Variants in TFAP2B observed in about 807,000 individuals in gnomAD.
TFAP2B encodes the protein transcription factor AP-2-beta.
A neutral mutation model predicts 44.3 loss-of-function variants in TFAP2B; 9 were observed. That is an observed-to-expected ratio of 0.20 (90% CI 0.12 to 0.35). The LOEUF (loss-of-function observed/expected upper bound fraction) is 0.35, where lower values mean the gene tolerates loss of function less well. Among genes scored for constraint, TFAP2B ranks in the 10% least tolerant of loss-of-function variants. The pLI is 1.00. For synonymous variants in TFAP2B, 270 were observed against 263.8 expected, an observed-to-expected ratio of 1.02 and a Z score of -0.23; for missense variants, 509 against 600.0, an observed-to-expected ratio of 0.85 and a Z score of 1.59.
At chr6:50,829,772 T>C (rs954975702) in intron 3 of TFAP2B, among the ~76,000 whole-genome samples, 9 of 152,326 alleles carry the variant, frequency 5.9e-5, no homozygotes, top group African/African-American at 1.7e-4. Flanking sequence ...GGAATAAGGA[T>C]TCCAAACAGG....
At chr6:50,839,635 T>C (rs889338793) in intron 5 of TFAP2B, among the ~76,000 whole-genome samples, 4 of 152,238 alleles carry the variant, frequency 2.6e-5, no homozygotes, top group African/African-American at 9.6e-5. Context: ...GGAGAATTAT[T>C]ATTTCATTGC....
chr6:50,823,561 A>G lies in TFAP2B; in HGVS notation c.236A>G (p.Tyr79Cys), dbSNP rs1770417157. Residue 79 changes from tyrosine (Y) to cysteine (C), a missense_variant, in exon 2 of 7, where the codon TAC (tyrosine) becomes TGC (cysteine). Around this residue, in one of 3 missense-constraint regions of TFAP2B, gnomAD observed 296 missense variants for 308.2 expected, o/e 0.96. Coordinates refer to ENST00000393655, the MANE Select transcript of TFAP2B (RefSeq NM_003221.4). Reference protein sequence around the residue: ...YFPPPYQPLPYHQSQDPYSHV... With the variant: ...YFPPPYQPLPCHQSQDPYSHV... ...CCACCCCCCTACCAGCCGCTCCCCT[A>G]CCACCAGAGCCAGGACCCCTACTCC... 1.2e-6 allele frequency: 2 copies of G among 1,611,764 alleles called. No individual in the cohort carries two copies. Among genetic ancestry groups the G allele is most frequent in the Non-Finnish European group, 1.7e-6 (2 of 1,179,502 alleles).
At chr6:50,821,385 T>A (rs1770340899) in intron 1 of TFAP2B, among the ~76,000 whole-genome samples, 1 of 152,208 alleles carries the variant, frequency 6.6e-6, no homozygotes, top group African/African-American at 2.4e-5. Context: ...CGCCTCCAAA[T>A]GATGAAGCAA....
Position 50,846,226 on chromosome 6 carries a change from A to C in TFAP2B, c.*2834A>C, listed in dbSNP as rs1348075020. 1 of 151,560 alleles carries C rather than the reference A, an allele frequency of 6.6e-6. No homozygotes were observed. The highest frequency in any genetic ancestry group is 1.5e-5 in the Non-Finnish European group (1 of 67,786). The allele number at this position is 151,560 out of a possible 1,614,324, so 9.4% of individuals were successfully genotyped here. ...CAACCCCGTTTCGTGGAGTGAGCCC[A>C]CTACCCCTTCTCCCTCCCTCACTTC... On this transcript the variant is annotated 3_prime_UTR_variant, in exon 7 of 7. Coordinates refer to ENST00000393655, the MANE Select transcript of TFAP2B (RefSeq NM_003221.4).
At chr6:50,829,856 A>C (rs572642409) in intron 3 of TFAP2B, among the ~76,000 whole-genome samples, 1 of 152,320 alleles carries the variant, frequency 6.6e-6, no homozygotes, top group South Asian at 2.1e-4. Context: ...GGGAAGCTGT[A>C]CTTGCAATGA....
chr6:50,837,893 A>C, intron 4 of TFAP2B, 82 bp from the exon 5 acceptor site: 1 of 1,121,024 alleles, frequency 8.9e-7, no homozygotes, highest in East Asian at 2.3e-5. Context: ...TTCAAGCTCC[A>C]CTGGGCTTTA....
Position 50,843,131 on chromosome 6 carries a change from C to T in TFAP2B, c.1122C>T (p.Asp374=). 6.2e-7 allele frequency: 1 copy of T among 1,614,230 alleles called. No homozygotes were observed. The highest frequency in any genetic ancestry group is 8.5e-7 in the Non-Finnish European group (1 of 1,180,044). The part of the protein sequence containing the change: ...CKEFTDLLAQ[D]RTPIGNSRPS... ...AATTTACGGATCTACTGGCGCAGGACCGGACACCGATAGGGAACAGCCGAC... is the reference window on the plus strand; with the variant it reads ...AATTTACGGATCTACTGGCGCAGGATCGGACACCGATAGGGAACAGCCGAC... Residue 374 remains aspartate (D), a synonymous_variant, in exon 7 of 7, where the codon GAC becomes GAT. Coordinates refer to ENST00000393655, the MANE Select transcript of TFAP2B (RefSeq NM_003221.4).
At chr6:50,833,534 AC>A (rs1762557679) in intron 3 of TFAP2B, among the ~76,000 whole-genome samples, 1 of 152,076 alleles carries the variant, frequency 6.6e-6, no homozygotes, top group African/African-American at 2.4e-5. Context: ...AAAAACAAAA[AC>A]AAAAACAAAA....
At chr6:50,827,354 G>A (rs189380405) in intron 2 of TFAP2B, among the ~76,000 whole-genome samples, 5 of 152,306 alleles carry the variant, frequency 3.3e-5, no homozygotes, top group Non-Finnish European at 5.9e-5. Flanking sequence ...GCATGTTGCA[G>A]CAAGGATAAC....
In TFAP2B at chr6:50,840,357, T is replaced by C; in HGVS notation, c.1082+60T>C. On this transcript the variant is annotated intron_variant, in intron 6 of 6. Coordinates refer to ENST00000393655, the MANE Select transcript of TFAP2B (RefSeq NM_003221.4). ...CCCAGCTGGCTAGGCCACCCGACTT[T>C]GGAGTAGGTGGTGGGGAGGGGCAGA... 6 of 1,599,396 alleles carry C rather than the reference T, an allele frequency of 3.8e-6. No homozygotes were observed. In the South Asian group the frequency reaches 6.6e-5, roughly 18 times the overall value.
rs753056961 is a variant in TFAP2B, at chr6:50,843,155, A to T, written c.1146A>T (p.Arg382=). Residue 382 remains arginine, a synonymous_variant, in exon 7 of 7, where the codon CGA becomes CGT. Transcript: ENST00000393655. ...ACCGGACACCGATAGGGAACAGCCG[A>T]CCCAGCCCCATCCTGGAGCCGGGGA... ...AQDRTPIGNS[R]PSPILEPGIQ... is the part of the protein sequence containing the mutation. The T allele has an allele frequency of 6.2e-7, 1 of 1,614,168 alleles. No homozygotes were observed.
intron 3 of TFAP2B, among the ~76,000 whole-genome samples, chr6:50,831,162 A>T (rs1770658381): frequency 6.6e-6 from 1 of 152,196 alleles, no homozygotes; most frequent in Non-Finnish European, 1.5e-5. Context: ...CCCATAGATT[A>T]TGGGCTCCCT....
chr6:50,818,485 G>C (rs1770234619), upstream of TFAP2B, among the ~76,000 whole-genome samples: 1 of 152,134 alleles, frequency 6.6e-6, no homozygotes, highest in South Asian at 2.1e-4. Flanking sequence ...GAATTGCAAA[G>C]ACTTCAGTTA....
intron 1 of TFAP2B, chr6:50,821,991 AT>A (rs60274376): frequency 0.25 from 54,633 of 216,282 alleles, 2,670 homozygotes; most frequent in African/African-American, 0.32. Flanking sequence ...GGCGGGTGTA[AT>A]TTTTTTTTTT....
chr6:50,835,927 C>A (rs895247884), intron 3 of TFAP2B, 134 bp from the exon 4 acceptor site: 1 of 803,832 alleles, frequency 1.2e-6, no homozygotes, highest in Non-Finnish European at 2.2e-6. Flanking sequence ...TGCAGCCCCA[C>A]TGGAATAAAC....
rs1002959191 is a variant in TFAP2B at position 50,828,576 on chromosome 6, T to C, written c.541-43T>C. The C allele has an allele frequency of 9.6e-6, 15 of 1,556,988 alleles. No homozygotes were observed. In the African/African-American group the frequency reaches 1.9e-4, roughly 20 times the overall value. On this transcript the variant is annotated intron_variant, in intron 2 of 6. Transcript: ENST00000393655. ...AACATGATTTATGTGTGCAATTCTT[T>C]AATATCCTGTCAATTTGAATAGTGA...
At chr6:50,836,381 A>G in intron 4 of TFAP2B, 101 bp downstream of exon 4, 1 of 1,067,420 alleles carries the variant, frequency 9.4e-7, no homozygotes, top group Non-Finnish European at 1.4e-6. Flanking sequence ...AGCAAAACCC[A>G]ATCTGCAGTC....
upstream of TFAP2B, among the ~76,000 whole-genome samples, chr6:50,818,492 G>A (rs570002695): frequency 6.6e-6 from 1 of 152,240 alleles, no homozygotes; most frequent in Admixed American, 6.5e-5. Flanking sequence ...AAAGACTTCA[G>A]TTAGTGGCTA....
At chr6:50,821,492 C>G (rs1770345041) in intron 1 of TFAP2B, among the ~76,000 whole-genome samples, 1 of 152,196 alleles carries the variant, frequency 6.6e-6, no homozygotes, top group African/African-American at 2.4e-5. Context: ...GAGGACACCT[C>G]CATTCTATAC....
Sources: gnomAD v4.1 joint callset for allele counts (sites outside exome capture counted in the v4.1 genomes callset) on GRCh38, gnomAD v4.1.1 for gene constraint, gnomAD v4.1.1 regional missense constraint, MANE v1.5 for transcripts, NCBI Gene and HGNC (gene_info 2026-07-23, HGNC 2026-07-21) for gene names.